The following ACVR1C variants were observed in gnomAD, a reference collection of about 807,000 sequenced individuals.
The protein encoded by ACVR1C is activin A receptor type 1C.
ACVR1C carries 23 observed loss-of-function variants against 57.9 expected under a neutral mutation model. The observed-to-expected ratio is 0.40, with a 90% CI of 0.29 to 0.56. The LOEUF is 0.56. Ranked by LOEUF, ACVR1C falls within the 20% of genes least tolerant of loss-of-function variation. The pLI, the probability that ACVR1C is intolerant of heterozygous loss-of-function variation, is 0.50. For synonymous variants in ACVR1C, 214 were observed against 215.3 expected (o/e 0.99, Z 0.05); for missense variants, 480 against 607.9 (o/e 0.79, Z 2.21).
intron 1 of ACVR1C, among the ~76,000 whole-genome samples, chr2:157,604,549 T>C (rs1286532951): frequency 2.0e-5 from 3 of 151,998 alleles, no homozygotes; most frequent in Non-Finnish European, 4.4e-5. Flanking sequence ...TAATATACTG[T>C]TTTTAGGTAA....
At chr2:157,617,066 A>G (rs1682669463) in intron 1 of ACVR1C, among the ~76,000 whole-genome samples, 1 of 152,052 alleles carries the variant, frequency 6.6e-6, no homozygotes, top group Admixed American at 6.6e-5. Flanking sequence ...CAAAGGATGC[A>G]CTTTCCTTAT....
intron 1 of ACVR1C, among the ~76,000 whole-genome samples, chr2:157,602,736 G>A (rs1355801774): frequency 6.6e-6 from 1 of 151,916 alleles, no homozygotes; most frequent in Non-Finnish European, 1.5e-5. Context: ...TAAACATACA[G>A]GATATGAGCT....
Position 157,535,438 on chromosome 2 carries a change from T to C in ACVR1C, c.1357-1395A>G, listed in dbSNP as rs147820845. On this transcript the variant is annotated intron_variant, in intron 8 of 8. Transcript: ENST00000243349. ...AATTAAATGATATAAGTATATAAAA[T>C]ATATTTTTAAAAGGAAAGAGAAATA... Among the ~76,000 whole-genome samples, 575 of 152,224 alleles carry C rather than the reference T, an allele frequency of 3.8e-3. 3 individuals carry two copies. The highest frequency in any genetic ancestry group is 0.013 in the African/African-American group (557 of 41,544).
intron 1 of ACVR1C, among the ~76,000 whole-genome samples, chr2:157,593,142 T>A (rs1305823154): frequency 1.3e-5 from 2 of 152,082 alleles, no homozygotes; most frequent in Non-Finnish European, 2.9e-5. Flanking sequence ...ATGTGCACAT[T>A]CCTAACCAAC....
At chr2:157,572,660 A>G (rs544899531) in intron 2 of ACVR1C, among the ~76,000 whole-genome samples, 11 of 152,216 alleles carry the variant, frequency 7.2e-5, no homozygotes, top group Admixed American at 3.3e-4. Flanking sequence ...TTCCTATTAC[A>G]TCTCTATGAA....
intron 1 of ACVR1C, among the ~76,000 whole-genome samples, chr2:157,594,031 T>C (rs1682019264): frequency 6.6e-6 from 1 of 152,160 alleles, no homozygotes; most frequent in South Asian, 2.1e-4. Flanking sequence ...GCCTCACCCT[T>C]AGAGCTGAGA....
At chr2:157,561,300 C>T (rs145510187) in intron 2 of ACVR1C, among the ~76,000 whole-genome samples, 79 of 152,310 alleles carry the variant, frequency 5.2e-4, no homozygotes, top group East Asian at 3.1e-3. Context: ...CTCTACTTCA[C>T]GCATAAAAAA....
chr2:157,581,862 C>A (rs1282565087), intron 2 of ACVR1C, among the ~76,000 whole-genome samples: 1 of 152,180 alleles, frequency 6.6e-6, no homozygotes, highest in Non-Finnish European at 1.5e-5. Context: ...GAGTACATTT[C>A]TATATTTCCT....
chr2:157,536,046 T>C (rs1244887606), intron 8 of ACVR1C, among the ~76,000 whole-genome samples: 1 of 152,166 alleles, frequency 6.6e-6, no homozygotes, highest in African/African-American at 2.4e-5. Flanking sequence ...GAAAACTCGA[T>C]GGATGAGTTA....
intron 4 of ACVR1C, among the ~76,000 whole-genome samples, chr2:157,549,702 C>T (rs574455970): frequency 2.6e-5 from 4 of 151,770 alleles, no homozygotes; most frequent in Non-Finnish European, 5.9e-5. Flanking sequence ...AACGAAGAGA[C>T]GGGCTGGGTG....
chr2:157,534,114 C>T lies in ACVR1C; in HGVS notation c.1357-71G>A, dbSNP rs76187272. On this transcript the variant is annotated intron_variant, in intron 8 of 8. Transcript: ENST00000243349. ...AAAACAGAGCACAAAAGAAGTAAAG[C>T]CATAAATCCAGGAATTGATGCTAAG... The T allele has an allele frequency of 3.1e-3, 4,137 of 1,315,282 alleles. 107 individuals carry two copies. In the African/African-American group the frequency reaches 0.055, roughly 17 times the overall value. The allele number at this position is 1,315,282 out of a possible 1,614,324, so 81.5% of individuals were successfully genotyped here. A position where few individuals can be genotyped will look rare whatever the true frequency, so the allele number is the denominator to read the frequency against.
At chr2:157,555,101 CTTTTTTTTTTTTTTTTTTT>C (rs60269781) in intron 3 of ACVR1C, among the ~76,000 whole-genome samples, 1 of 83,926 alleles carries the variant, frequency 1.2e-5, no homozygotes, top group African/African-American at 5.9e-5. Flanking sequence ...ACTTTGAACG[CTTTTTTTTTTTTTTTTTTT>C]TTTTTTTTTG....
At chr2:157,554,201 G>GAGAGAGAGAGAA (rs1553481316) in intron 3 of ACVR1C, among the ~76,000 whole-genome samples, 3 of 41,440 alleles carry the variant, frequency 7.2e-5, no homozygotes, top group African/African-American at 4.3e-4. Flanking sequence ...ATAAAGAAGA[G>GAGAGAGAGAGAA]AGAAAGAAAG....
intron 1 of ACVR1C, among the ~76,000 whole-genome samples, chr2:157,611,180 G>A (rs1682523470): frequency 6.6e-6 from 1 of 152,162 alleles, no homozygotes; most frequent in Non-Finnish European, 1.5e-5. Flanking sequence ...CCTTTTGTAG[G>A]AGAGGACTTT....
chr2:157,567,042 AAGTGGGTCCCTGACCCCTGACCCCCG>A (rs1389143925), intron 2 of ACVR1C, among the ~76,000 whole-genome samples: 1 of 103,006 alleles, frequency 9.7e-6, no homozygotes, highest in Non-Finnish European at 2.0e-5. Flanking sequence ...CTGCCTCCTC[AAGTGGGTCCCTGACCCCTGACCCCCG>A]AGCAGCCTAA....
At chr2:157,618,004 A>C (rs1366889452) in intron 1 of ACVR1C, among the ~76,000 whole-genome samples, 6 of 151,932 alleles carry the variant, frequency 3.9e-5, no homozygotes, top group African/African-American at 1.4e-4. Context: ...GAAGATCTTC[A>C]GGTTGAAAGA....
intron 2 of ACVR1C, among the ~76,000 whole-genome samples, chr2:157,584,173 TA>T (rs769359004): frequency 0.021 from 3,052 of 142,400 alleles, 108 homozygotes; most frequent in African/African-American, 0.069. Context: ...CAGAAGAAGA[TA>T]AAAAAAAAAA....
At chr2:157,624,227 T>A (rs1682849240) in intron 1 of ACVR1C, among the ~76,000 whole-genome samples, 2 of 152,302 alleles carry the variant, frequency 1.3e-5, no homozygotes, top group African/African-American at 4.8e-5. Flanking sequence ...CAAAATCTTG[T>A]CATTGCTCTC....
At chr2:157,559,502 C>T (rs559373012) in intron 2 of ACVR1C, among the ~76,000 whole-genome samples, 1 of 152,224 alleles carries the variant, frequency 6.6e-6, no homozygotes, top group South Asian at 2.1e-4. Context: ...TAATCATTAA[C>T]TTTGATGAAC....
Sources: gnomAD v4.1 joint callset for allele counts (sites outside exome capture counted in the v4.1 genomes callset) on GRCh38, gnomAD v4.1.1 for gene constraint, MANE v1.5 for transcripts, NCBI Gene and HGNC (gene_info 2026-07-23, HGNC 2026-07-21) for gene names.